UTF1: variants seen among roughly 807,000 people sequenced by gnomAD.
UTF1 encodes undifferentiated embryonic cell transcription factor 1.
A neutral mutation model predicts 11.8 loss-of-function variants in UTF1; 8 were observed. The observed-to-expected ratio is 0.68, with a 90% CI of 0.40 to 1.23. The LOEUF is 1.23. Among genes scored for constraint, UTF1 ranks in the 50% most tolerant of loss-of-function variants. UTF1 has a pLI of 0.01. For missense variants in UTF1, 545 were observed against 542.1 expected, an observed-to-expected ratio of 1.01 and a Z score of -0.05; for synonymous variants, 344 against 271.7, an observed-to-expected ratio of 1.27 and a Z score of -2.62.
Position 133,231,477 on chromosome 10 carries a change from G to A in UTF1, c.*35G>A, listed in dbSNP as rs1458002749. ...GCGGCCAGTCTCCCCTCTCCAGGCC[G>A]AGGCCCCTCCGCCCTGACCCCTCCT... On this transcript the variant is annotated 3_prime_UTR_variant, in exon 2 of 2. Transcript: ENST00000304477. The A allele has an allele frequency of 2.1e-6, 3 of 1,404,778 alleles. No homozygotes were observed. Among genetic ancestry groups the A allele is most frequent in the Non-Finnish European group, 2.8e-6 (3 of 1,076,816 alleles). The allele number at this position is 1,404,778 out of a possible 1,614,324, so 87.0% of individuals were successfully genotyped here.
rs1845786549 is a variant in UTF1 at position 133,230,696 on chromosome 10, C to A, written c.408C>A (p.Phe136Leu). The A allele has an allele frequency of 1.3e-6, 2 of 1,484,024 alleles. No individual in the cohort carries two copies. Among genetic ancestry groups the A allele is most frequent in the Non-Finnish European group, 1.8e-6 (2 of 1,124,674 alleles). 91.9% of individuals were successfully genotyped at this position (1,484,024 alleles called of 1,614,324 possible). The change falls in exon 1 of 2, where the codon TTC (phenylalanine) becomes TTA (leucine). Residue 136 changes from phenylalanine to leucine, a missense_variant. Phe to Leu is a conservative substitution (Grantham distance 22). Around this residue, in one of 3 missense-constraint regions of UTF1, gnomAD observed 394 missense variants for 341.5 expected, o/e 1.15. Coordinates refer to ENST00000304477, the MANE Select transcript of UTF1 (RefSeq NM_003577.3). The stretch of plus-strand genomic sequence containing the variant: ...CGCACGGCCAGCCGCCCGGGCCCTT[C>A]GACGAGCAGATCCGGAAGCTCATGG... ...REAHGQPPGP[F>L]DEQIRKLMGL...
At position 133,231,517 on chromosome 10, in the gene UTF1, C is replaced by G. The variant is rs1389477515; in HGVS notation, c.*75C>G. On this transcript the variant is annotated 3_prime_UTR_variant, in exon 2 of 2. Transcript: ENST00000304477. The stretch of plus-strand genomic sequence containing the variant: ...TGACCCCTCCTGCTGCCTTCCCACC[C>G]CCGTTCTTGGGTATGTTCAATAAAA... 1.7e-6 allele frequency: 2 copies of G among 1,205,164 alleles called. No individual in the cohort carries two copies. The highest frequency in any genetic ancestry group is 1.6e-5 in the African/African-American group (1 of 62,898). 74.7% of individuals were successfully genotyped at this position (1,205,164 alleles called of 1,614,324 possible). A position where few individuals can be genotyped will look rare whatever the true frequency, so the allele number is the denominator to read the frequency against.
In UTF1 at chr10:133,231,065, G is replaced by T. The variant is rs1468274658; in HGVS notation, c.649G>T (p.Ala217Ser). 2 of 655,442 alleles carry T rather than the reference G, an allele frequency of 3.1e-6. No individual in the cohort carries two copies. Among genetic ancestry groups the T allele is most frequent in the African/African-American group, 2.6e-5 (1 of 39,022 alleles). The allele number at this position is 655,442 out of a possible 1,614,324, so 40.6% of individuals were successfully genotyped here. The change falls in exon 2 of 2, where the codon GCC becomes TCC. Residue 217 changes from alanine to serine, a missense_variant. Around this residue, in one of 3 missense-constraint regions of UTF1, gnomAD observed 394 missense variants for 341.5 expected, o/e 1.15. Transcript: ENST00000304477. ...SPPKSADASP[A>S]PGSPPAPAPT... ...ACCGAAGTCTGCGGACGCCTCCCCCGCCCCCGGCTCCCCGCCAGCTCCCGC... is the reference window on the plus strand; with the variant it reads ...ACCGAAGTCTGCGGACGCCTCCCCCTCCCCCGGCTCCCCGCCAGCTCCCGC...
rs1464123766 is a variant in UTF1, at chr10:133,230,313, C to A, written c.25C>A (p.Pro9Thr). The A allele has an allele frequency of 9.2e-6, 10 of 1,086,474 alleles. No individual in the cohort carries two copies. The highest frequency in any genetic ancestry group is 1.0e-5 in the Non-Finnish European group (9 of 897,298). 67.3% of individuals were successfully genotyped at this position (1,086,474 alleles called of 1,614,324 possible). Residue 9 changes from proline (P) to threonine (T), a missense_variant, in exon 1 of 2, where the codon CCC (proline) becomes ACC (threonine). By Grantham distance (38) the Pro-to-Thr change is conservative. Transcript: ENST00000304477. ...GATGCTGCTCCGGCCCCGCAGGCCGCCCCCGCTCGCGCCCCCCGCGCCGCC... is the reference window on the plus strand; with the variant it reads ...GATGCTGCTCCGGCCCCGCAGGCCGACCCCGCTCGCGCCCCCCGCGCCGCC... MLLRPRRPPPLAPPAPPSP... is the reference protein window; with the variant it reads MLLRPRRPTPLAPPAPPSP...
rs768819641 is a variant in UTF1, at chr10:133,230,857, G to A, written c.550+19G>A. On this transcript the variant is annotated intron_variant, in intron 1 of 1. Coordinates refer to ENST00000304477, the MANE Select transcript of UTF1 (RefSeq NM_003577.3). ...GAACCAGGTAGGCGGGGGACTGGGG[G>A]GCCAGGTGGGGCCGAGGACTGCGGA... 4.6e-6 allele frequency: 6 copies of A among 1,290,756 alleles called. No individual in the cohort carries two copies. The African/African-American group carries it at 6.2e-5, about 13-fold the overall frequency. 80.0% of individuals were successfully genotyped at this position (1,290,756 alleles called of 1,614,324 possible).
Position 133,230,485 on chromosome 10 carries a change from G to A in UTF1, c.197G>A (p.Arg66Gln), listed in dbSNP as rs543121610. ...GCGCAGCGCACGCCCTGGAGCGCCC[G>A]GGAGACGGAGCTGCTGCTGGGGACG... ...GSAQRTPWSA[R>Q]ETELLLGTLL... The change falls in exon 1 of 2, where the codon CGG becomes CAG. Residue 66 changes from arginine to glutamine, a missense_variant. Around this residue, in one of 3 missense-constraint regions of UTF1, gnomAD observed 129 missense variants for 148.5 expected, o/e 0.87. Transcript: ENST00000304477. 710 of 1,440,954 alleles carry A rather than the reference G, an allele frequency of 4.9e-4. 10 individuals are homozygous for A. The East Asian group carries it at 0.015, about 30-fold the overall frequency. The allele number at this position is 1,440,954 out of a possible 1,614,324, so 89.3% of individuals were successfully genotyped here.
chr10:133,231,518 C>A lies in UTF1; in HGVS notation c.*76C>A. 1 of 1,161,598 alleles carries A rather than the reference C, an allele frequency of 8.6e-7. No individual in the cohort carries two copies. Among genetic ancestry groups the A allele is most frequent in the Non-Finnish European group, 1.2e-6 (1 of 869,404 alleles). The allele number at this position is 1,161,598 out of a possible 1,614,324, so 72.0% of individuals were successfully genotyped here. ...GACCCCTCCTGCTGCCTTCCCACCC[C>A]CGTTCTTGGGTATGTTCAATAAAAG... is the stretch of plus-strand genomic sequence containing the variant. On this transcript the variant is annotated 3_prime_UTR_variant, in exon 2 of 2. Transcript: ENST00000304477.
rs1845792708 is a variant in UTF1, at chr10:133,231,054, A to C, written c.638A>C (p.Asp213Ala). The C allele has an allele frequency of 7.7e-7, 1 of 1,305,734 alleles. No individual in the cohort carries two copies. Among genetic ancestry groups the C allele is most frequent in the African/African-American group, 1.6e-5 (1 of 63,796 alleles). The allele number at this position is 1,305,734 out of a possible 1,614,324, so 80.9% of individuals were successfully genotyped here. The change falls in exon 2 of 2, where the codon GAC becomes GCC. Residue 213 changes from aspartate (D) to alanine (A), a missense_variant. By Grantham distance (126) the Asp-to-Ala change is moderately radical. This residue lies in a region of UTF1 where 394 missense variants were observed against 341.5 expected (regional missense o/e 1.15). Transcript: ENST00000304477. ...RFSPSPPKSA[D>A]ASPAPGSPPA... ...AGCCCGTCCCCACCGAAGTCTGCGG[A>C]CGCCTCCCCCGCCCCCGGCTCCCCG...
At position 133,230,465 on chromosome 10, in the gene UTF1, G is replaced by C; in HGVS notation, c.177G>C (p.Gln59His). ...LGLPVSPGSA[Q>H]RTPWSARETE... is the part of the protein sequence containing the mutation. Reference sequence around the variant, plus strand: ...TGCCGGTGTCCCCGGGCTCGGCGCAGCGCACGCCCTGGAGCGCCCGGGAGA... The same window carrying C: ...TGCCGGTGTCCCCGGGCTCGGCGCACCGCACGCCCTGGAGCGCCCGGGAGA... The change falls in exon 1 of 2, where the codon CAG (glutamine) becomes CAC (histidine). Residue 59 changes from glutamine to histidine, a missense_variant. This residue lies in a region of UTF1 where 129 missense variants were observed against 148.5 expected (regional missense o/e 0.87). Transcript: ENST00000304477. The C allele has an allele frequency of 2.1e-6, 3 of 1,427,884 alleles. No individual in the cohort carries two copies. The highest frequency in any genetic ancestry group is 2.7e-6 in the Non-Finnish European group (3 of 1,092,224). 88.5% of individuals were successfully genotyped at this position (1,427,884 alleles called of 1,614,324 possible).
Position 133,231,363 on chromosome 10 carries a change from A to G in UTF1, c.947A>G (p.Gln316Arg), listed in dbSNP as rs563719443. ...HVEQLRGAFD[Q>R]TVSLAVGFIL... ...GAGCAGCTGCGCGGCGCCTTCGACC[A>G]GACAGTGTCCCTGGCCGTGGGCTTC... The change falls in exon 2 of 2, where the codon CAG becomes CGG. Residue 316 changes from glutamine (Q) to arginine (R), a missense_variant. Around this residue, in one of 3 missense-constraint regions of UTF1, gnomAD observed 394 missense variants for 341.5 expected, o/e 1.15. Transcript: ENST00000304477. The G allele has an allele frequency of 5.5e-5, 88 of 1,596,670 alleles. No individual in the cohort carries two copies. The Admixed American group carries it at 6.1e-4, about 11-fold the overall frequency.
In UTF1 at chr10:133,230,816, C is replaced by A; in HGVS notation, c.528C>A (p.His176Gln). ...QRARRPVPNA[H>Q]APAPSEPDAT... is the part of the protein sequence containing the mutation. ...CCCGCCGCCCGGTCCCCAACGCGCA[C>A]GCGCCGGCTCCCAGCGAACCAGGTA... Residue 176 changes from histidine to glutamine, a missense_variant, in exon 1 of 2, where the codon CAC (histidine) becomes CAA (glutamine). Physicochemically the swap from His to Gln is conservative, Grantham distance 24. Coordinates refer to ENST00000304477, the MANE Select transcript of UTF1 (RefSeq NM_003577.3). The A allele has an allele frequency of 7.6e-7, 1 of 1,310,010 alleles. No homozygotes were observed. Among genetic ancestry groups the A allele is most frequent in the South Asian group, 2.3e-5 (1 of 44,334 alleles). The allele number at this position is 1,310,010 out of a possible 1,614,324, so 81.1% of individuals were successfully genotyped here. A position where few individuals can be genotyped will look rare whatever the true frequency, so the allele number is the denominator to read the frequency against.
rs1490400402 is a variant in UTF1, at chr10:133,231,111, G to A, written c.695G>A (p.Cys232Tyr). ...CCCGCCCCGACCGCCCTCGCCACCT[G>A]CATCCCCGAGGACCGCGCGCCCGTC... ...PAPAPTALAT[C>Y]IPEDRAPVRG... Residue 232 changes from cysteine (C) to tyrosine (Y), a missense_variant, in exon 2 of 2, where the codon TGC becomes TAC. Coordinates refer to ENST00000304477, the MANE Select transcript of UTF1 (RefSeq NM_003577.3). 1.9e-4 allele frequency: 237 copies of A among 1,259,270 alleles called. No homozygotes were observed. The highest frequency in any genetic ancestry group is 2.0e-5 in the Non-Finnish European group (20 of 1,006,990). The allele number at this position is 1,259,270 out of a possible 1,614,324, so 78.0% of individuals were successfully genotyped here. A position where few individuals can be genotyped will look rare whatever the true frequency, so the allele number is the denominator to read the frequency against.
At position 133,230,425 on chromosome 10, in the gene UTF1, T is replaced by C; in HGVS notation, c.137T>C (p.Leu46Pro). ...PPRRPASPSA[L>P]GELGLPVSPG... ...CGGAGGCCCGCCTCGCCCAGCGCGC[T>C]GGGGGAACTCGGGTTGCCGGTGTCC... is the stretch of plus-strand genomic sequence containing the variant. The change falls in exon 1 of 2, where the codon CTG becomes CCG. Residue 46 changes from leucine (L) to proline (P), a missense_variant. Leu to Pro is a moderately conservative substitution (Grantham distance 98). Transcript: ENST00000304477. The C allele has an allele frequency of 7.3e-7, 1 of 1,373,390 alleles. No homozygotes were observed. The highest frequency in any genetic ancestry group is 9.4e-7 in the Non-Finnish European group (1 of 1,060,466). The allele number at this position is 1,373,390 out of a possible 1,614,324, so 85.1% of individuals were successfully genotyped here.
chr10:133,231,202 C>G lies in UTF1; in HGVS notation c.786C>G (p.Pro262=). ...ACCCCGACTCGCCGCCCGGCCGCCC[C>G]GAGGACTGCGCGCCCCCTCCGGCCG... ...REDPDSPPGR[P]EDCAPPPAAP... is the part of the protein sequence containing the mutation. Residue 262 remains proline, a synonymous_variant, in exon 2 of 2, where the codon CCC becomes CCG. Coordinates refer to ENST00000304477, the MANE Select transcript of UTF1 (RefSeq NM_003577.3). 3 of 1,494,636 alleles carry G rather than the reference C, an allele frequency of 2.0e-6. No individual in the cohort carries two copies. The highest frequency in any genetic ancestry group is 2.7e-6 in the Non-Finnish European group (3 of 1,129,686). 92.6% of individuals were successfully genotyped at this position (1,494,636 alleles called of 1,614,324 possible).
Position 133,230,335 on chromosome 10 carries a change from C to G in UTF1, c.47C>G (p.Pro16Arg). The change falls in exon 1 of 2, where the codon CCG (proline) becomes CGG (arginine). Residue 16 changes from proline (P) to arginine (R), a missense_variant. Pro to Arg is a moderately radical substitution (Grantham distance 103). Transcript: ENST00000304477. ...RRPPPLAPPA[P>R]PSPASPDPEP... is the part of the protein sequence containing the mutation. ...CCGCCCCCGCTCGCGCCCCCCGCGC[C>G]GCCCTCGCCCGCCAGCCCCGACCCC... 1 of 1,129,742 alleles carries G rather than the reference C, an allele frequency of 8.9e-7. No homozygotes were observed. 70.0% of individuals were successfully genotyped at this position (1,129,742 alleles called of 1,614,324 possible). A position where few individuals can be genotyped will look rare whatever the true frequency, so the allele number is the denominator to read the frequency against.
chr10:133,230,534 C>A lies in UTF1; in HGVS notation c.246C>A (p.Arg82=). ...LGTLLQPAVW[R]ALLLDRRQAL... ...CGCTGCTGCAACCGGCCGTGTGGCG[C>A]GCGCTGCTCCTGGACCGCCGCCAGG... Residue 82 remains arginine, a synonymous_variant, in exon 1 of 2, where the codon CGC becomes CGA. Coordinates refer to ENST00000304477, the MANE Select transcript of UTF1 (RefSeq NM_003577.3). The A allele has an allele frequency of 6.9e-7, 1 of 1,441,728 alleles. No individual in the cohort carries two copies. The highest frequency in any genetic ancestry group is 9.1e-7 in the Non-Finnish European group (1 of 1,099,940). The allele number at this position is 1,441,728 out of a possible 1,614,324, so 89.3% of individuals were successfully genotyped here. A position where few individuals can be genotyped will look rare whatever the true frequency, so the allele number is the denominator to read the frequency against.
In UTF1 at chr10:133,231,187, GC is replaced by G; in HGVS notation, c.773del (p.Pro258ArgfsTer18). 7.3e-7 allele frequency: 1 copy of G among 1,367,904 alleles called. No individual in the cohort carries two copies. Among genetic ancestry groups the G allele is most frequent in the Non-Finnish European group, 9.4e-7 (1 of 1,064,686 alleles). 84.7% of individuals were successfully genotyped at this position (1,367,904 alleles called of 1,614,324 possible). A position where few individuals can be genotyped will look rare whatever the true frequency, so the allele number is the denominator to read the frequency against. ...CCCCGGCCCGCGAAGACCCCGACTC[GC>G]CGCCCGGCCGCCCCGAGGACTGCGC... Reference protein sequence around the residue: ...PPPAREDPDSPPGRPEDCAPP... With the variant: ...PPPAREDPDSXPGRPEDCAPP... On this transcript the variant is annotated frameshift_variant, in exon 2 of 2. Transcript: ENST00000304477. LOFTEE classifies it low-confidence loss of function (END_TRUNC).
Position 133,231,114 on chromosome 10 carries a change from T to A in UTF1, c.698T>A (p.Ile233Asn), listed in dbSNP as rs1194743218. The A allele has an allele frequency of 1.1e-5, 13 of 1,200,742 alleles. No homozygotes were observed. The highest frequency in any genetic ancestry group is 4.6e-5 in the Admixed American group (1 of 21,544). 74.4% of individuals were successfully genotyped at this position (1,200,742 alleles called of 1,614,324 possible). Residue 233 changes from isoleucine to asparagine, a missense_variant, in exon 2 of 2, where the codon ATC becomes AAC. Coordinates refer to ENST00000304477, the MANE Select transcript of UTF1 (RefSeq NM_003577.3). The stretch of plus-strand genomic sequence containing the variant: ...GCCCCGACCGCCCTCGCCACCTGCA[T>A]CCCCGAGGACCGCGCGCCCGTCCGC... Reference protein sequence around the residue: ...APAPTALATCIPEDRAPVRGP... With the variant: ...APAPTALATCNPEDRAPVRGP...
rs1161703327 is a variant in UTF1, at chr10:133,231,083, G to A, written c.667G>A (p.Ala223Thr). ...DASPAPGSPP[A>T]PAPTALATCI... ...CTCCCCCGCCCCCGGCTCCCCGCCA[G>A]CTCCCGCCCCGACCGCCCTCGCCAC... The change falls in exon 2 of 2, where the codon GCT becomes ACT. Residue 223 changes from alanine (A) to threonine (T), a missense_variant. Coordinates refer to ENST00000304477, the MANE Select transcript of UTF1 (RefSeq NM_003577.3). 3.7e-6 allele frequency: 4 copies of A among 1,079,598 alleles called. No individual in the cohort carries two copies. The highest frequency in any genetic ancestry group is 5.3e-5 in the South Asian group (2 of 37,446). The allele number at this position is 1,079,598 out of a possible 1,614,324, so 66.9% of individuals were successfully genotyped here. A position where few individuals can be genotyped will look rare whatever the true frequency, so the allele number is the denominator to read the frequency against.
Sources: gnomAD v4.1 joint callset for allele counts on GRCh38, gnomAD v4.1.1 for gene constraint, gnomAD v4.1.1 regional missense constraint, MANE v1.5 for transcripts, NCBI Gene and HGNC (gene_info 2026-07-23, HGNC 2026-07-21) for gene names.